The following ADA2 variants were observed in gnomAD, a reference collection of about 807,000 sequenced individuals.
The protein encoded by ADA2 is adenosine deaminase 2.
ADA2 carries 29 observed loss-of-function variants against 44.2 expected under a neutral mutation model. The ratio of observed to expected loss-of-function variants is 0.66; its 90% CI spans 0.49 to 0.89. The LOEUF (loss-of-function observed/expected upper bound fraction) is 0.89. ADA2 is among the 40% of genes least tolerant of loss of function. The pLI, the probability that ADA2 is intolerant of heterozygous loss-of-function variation, is 0.00. For missense variants in ADA2, 637 were observed against 644.8 expected (o/e 0.99, Z 0.13); for synonymous variants, 215 against 234.9 (o/e 0.92, Z 0.77).
intron 2 of ADA2, among the ~76,000 whole-genome samples, chr22:17,208,158 G>T (rs1326500756): frequency 1.3e-5 from 2 of 152,096 alleles, no homozygotes; most frequent in Non-Finnish European, 2.9e-5. Context: ...GGGCACAGTG[G>T]CTCACTCCTG....
intron 4 of ADA2, chr22:17,199,440 T>TTCCCCTCCCACCCCACCACTATCCTCA: frequency 9.7e-7 from 1 of 1,027,936 alleles, no homozygotes; most frequent in Non-Finnish European, 1.5e-6. Flanking sequence ...CTCTATCCTC[T>TTCCCCTCCCACCCCACCACTATCCTCA]TCCCCTCCAC....
At chr22:17,200,230 G>A (rs2062261392) in intron 4 of ADA2, among the ~76,000 whole-genome samples, 1 of 152,192 alleles carries the variant, frequency 6.6e-6, no homozygotes, top group Non-Finnish European at 1.5e-5. Context: ...CCTGCTCTGG[G>A]AAGTGCAGTT....
chr22:17,197,034 A>G (rs2062200061), intron 4 of ADA2, among the ~76,000 whole-genome samples: 1 of 152,036 alleles, frequency 6.6e-6, no homozygotes, highest in African/African-American at 2.4e-5. Flanking sequence ...TTAGCCGGGC[A>G]TGGTGATGGG....
In ADA2 at chr22:17,203,998, C is replaced by T. The variant is rs574339742; in HGVS notation, c.543-225G>A. Among the ~76,000 whole-genome samples the T allele has an allele frequency of 4.6e-5, 7 of 152,150 alleles. No homozygotes were observed. The South Asian group carries it at 1.0e-3, about 23-fold the overall frequency. On this transcript the variant is annotated intron_variant, in intron 3 of 9. Transcript: ENST00000399837. The stretch of plus-strand genomic sequence containing the variant: ...TGCCTGCTTAAACCCAAACCCCAAA[C>T]GCAGGAGACTGCTTAAGATGAGAGC...
At chr22:17,200,630 C>G (rs1034325585) in intron 4 of ADA2, among the ~76,000 whole-genome samples, 10 of 151,848 alleles carry the variant, frequency 6.6e-5, no homozygotes, top group African/African-American at 2.2e-4. Context: ...CATGGTGGCT[C>G]GTAATCTTTG....
In ADA2 at chr22:17,182,585, C is replaced by A; in HGVS notation, c.1239+19G>T. 1 of 1,613,626 alleles carries A rather than the reference C, an allele frequency of 6.2e-7. No homozygotes were observed. Among genetic ancestry groups the A allele is most frequent in the Non-Finnish European group, 8.5e-7 (1 of 1,179,650 alleles). On this transcript the variant is annotated intron_variant, in intron 8 of 9. Coordinates refer to ENST00000399837, the MANE Select transcript of ADA2 (RefSeq NM_001282225.2). ...GTTAGGGGAGATCATATGGGATTAG[C>A]CACATGGGTCACACATACCTGGTTA...
At chr22:17,207,831 C>T (rs2062372253) in intron 2 of ADA2, among the ~76,000 whole-genome samples, 1 of 152,144 alleles carries the variant, frequency 6.6e-6, no homozygotes, top group East Asian at 1.9e-4. Context: ...TCTCATCCTG[C>T]CCCTCAACTC....
In ADA2 at chr22:17,209,483, C is replaced by T. The variant is rs923542937; in HGVS notation, c.195G>A (p.Thr65=). ...KEELANERLM[T]LKIAEMKEAM... ...CCTCCTTCATCTCAGCGATTTTGAG[C>T]GTCATGAGCCTCTCATTGGCCAGCT... Residue 65 remains threonine, a synonymous_variant, in exon 2 of 10, where the codon ACG becomes ACA. Transcript: ENST00000399837. 1.9e-5 allele frequency: 30 copies of T among 1,613,976 alleles called. No homozygotes were observed. Among genetic ancestry groups the T allele is most frequent in the Middle Eastern group, 1.6e-4 (1 of 6,080 alleles).
At chr22:17,187,519 G>A (rs1015139275) in intron 7 of ADA2, among the ~76,000 whole-genome samples, 58 of 151,808 alleles carry the variant, frequency 3.8e-4, no homozygotes, top group Non-Finnish European at 5.3e-4. Context: ...CAAACTCCTG[G>A]GTTTAAAGAG....
chr22:17,190,481 A>G (rs2062101494), intron 5 of ADA2, among the ~76,000 whole-genome samples: 1 of 152,144 alleles, frequency 6.6e-6, no homozygotes, highest in South Asian at 2.1e-4. Flanking sequence ...GGACCCAGTA[A>G]CCATATGGCC....
intron 3 of ADA2, among the ~76,000 whole-genome samples, chr22:17,204,727 C>T (rs572826450): frequency 2.1e-4 from 32 of 152,164 alleles, no homozygotes; most frequent in African/African-American, 7.7e-4. Context: ...TCAGGAGGAA[C>T]CACCCCTGCC....
chr22:17,188,634 C>A, intron 6 of ADA2, 187 bp from the exon 7 acceptor site: 1 of 435,032 alleles, frequency 2.3e-6, no homozygotes, highest in Non-Finnish European at 4.2e-6. Context: ...AATCCCAGCA[C>A]TTTGGGAGGC....
intron 4 of ADA2, chr22:17,199,436 C>CCTCTTCCCCACCCACCCCACCTCTATA: frequency 1.0e-6 from 1 of 1,000,782 alleles, no homozygotes; most frequent in Non-Finnish European, 1.6e-6. Context: ...CCTCCTCTAT[C>CCTCTTCCCCACCCACCCCACCTCTATA]CTCTTCCCCT....
rs778672079 is a variant in ADA2, at chr22:17,181,894, A to G, written c.1368T>C (p.Tyr456=). The G allele has an allele frequency of 6.8e-6, 11 of 1,614,040 alleles. No individual in the cohort carries two copies. Among genetic ancestry groups the G allele is most frequent in the African/African-American group, 1.3e-5 (1 of 74,930 alleles). Reference sequence around the variant, plus strand: ...TCCCCCCAATGCCCATGAAGACCTCATAGAAATCATAGGACAAGCCTTTGG... The same window carrying G: ...TCCCCCCAATGCCCATGAAGACCTCGTAGAAATCATAGGACAAGCCTTTGG... ...FGAKGLSYDF[Y]EVFMGIGGMK... is the part of the protein sequence containing the mutation. The change falls in exon 9 of 10, where the codon TAT becomes TAC. Residue 456 remains tyrosine (Y), a synonymous_variant. Transcript: ENST00000399837.
At chr22:17,215,830 G>A (rs1259018445) in intron 1 of ADA2, among the ~76,000 whole-genome samples, 1 of 151,870 alleles carries the variant, frequency 6.6e-6, no homozygotes. Context: ...AGAGAAGTTG[G>A]TTATGGGTAC....
rs191231713 is a variant in ADA2 at position 17,193,201 on chromosome 22, G to A, written c.754-1391C>T. 680 of 1,248,552 alleles carry A rather than the reference G, an allele frequency of 5.4e-4. 2 individuals are homozygous for A. The African/African-American group carries it at 8.8e-3, about 16-fold the overall frequency. 77.3% of individuals were successfully genotyped at this position (1,248,552 alleles called of 1,614,324 possible). ...GCAACAATCTCCCTGTGCTGACATC[G>A]CTCACAACGTTTCCTCTAAGAACCA... On this transcript the variant is annotated intron_variant, in intron 4 of 9. Coordinates refer to ENST00000399837, the MANE Select transcript of ADA2 (RefSeq NM_001282225.2).
At chr22:17,215,997 A>G (rs1286148056) in intron 1 of ADA2, among the ~76,000 whole-genome samples, 1 of 151,432 alleles carries the variant, frequency 6.6e-6, no homozygotes, top group African/African-American at 2.4e-5. Flanking sequence ...GACCAGCCTG[A>G]CCAACATGGT....
In ADA2 at chr22:17,209,479, T is replaced by G; in HGVS notation, c.199A>C (p.Lys67Gln). 1.2e-6 allele frequency: 2 copies of G among 1,614,176 alleles called. No homozygotes were observed. Among genetic ancestry groups the G allele is most frequent in the Non-Finnish European group, 1.7e-6 (2 of 1,180,034 alleles). ...ATGGCCTCCTTCATCTCAGCGATTTTGAGCGTCATGAGCCTCTCATTGGCC... is the reference window on the plus strand; with the variant it reads ...ATGGCCTCCTTCATCTCAGCGATTTGGAGCGTCATGAGCCTCTCATTGGCC... ...ELANERLMTLKIAEMKEAMRT... is the reference protein window; with the variant it reads ...ELANERLMTLQIAEMKEAMRT... Residue 67 changes from lysine to glutamine, a missense_variant, in exon 2 of 10, where the codon AAA becomes CAA. By Grantham distance (53) the Lys-to-Gln change is moderately conservative (BLOSUM62 1). Transcript: ENST00000399837.
chr22:17,209,698 A>G lies in ADA2; in HGVS notation c.-21T>C. The G allele has an allele frequency of 1.2e-6, 2 of 1,603,150 alleles. No homozygotes were observed. The highest frequency in any genetic ancestry group is 1.7e-6 in the Non-Finnish European group (2 of 1,175,378). On this transcript the variant is annotated 5_prime_UTR_variant, in exon 2 of 10. Coordinates refer to ENST00000399837, the MANE Select transcript of ADA2 (RefSeq NM_001282225.2). Reference sequence around the variant, plus strand: ...AACATCGGGATGCCTGGACTAGGAAAGGGCTCAGATGGAGACTCCACGGGA... The same window carrying G: ...AACATCGGGATGCCTGGACTAGGAAGGGGCTCAGATGGAGACTCCACGGGA...
Sources: gnomAD v4.1 joint callset for allele counts (sites outside exome capture counted in the v4.1 genomes callset) on GRCh38, gnomAD v4.1.1 for gene constraint, MANE v1.5 for transcripts, NCBI Gene and HGNC (gene_info 2026-07-23, HGNC 2026-07-21) for gene names.